The following TGM3 variants were observed in gnomAD, a reference collection of about 807,000 sequenced individuals.
TGM3 encodes the protein transglutaminase 3.
TGM3 carries 52 observed loss-of-function variants against 73.8 expected under a neutral mutation model. That is an observed-to-expected ratio of 0.70 (90% confidence interval 0.56 to 0.89). The LOEUF is 0.89. TGM3 is among the 40% of genes least tolerant of loss of function. TGM3 has a pLI of 0.00. For synonymous variants in TGM3, 372 were observed against 354.9 expected (o/e 1.05, Z -0.54); for missense variants, 928 against 909.9 (o/e 1.02, Z -0.26).
intron 8 of TGM3, among the ~76,000 whole-genome samples, chr20:2,327,907 T>C (rs1015603873): frequency 6.6e-6 from 1 of 151,978 alleles, no homozygotes; most frequent in Non-Finnish European, 1.5e-5. Flanking sequence ...AATTGTGTAG[T>C]CTTATGTAGA....
chr20:2,338,183 C>T (rs1469400344), intron 11 of TGM3, among the ~76,000 whole-genome samples: 1 of 152,266 alleles, frequency 6.6e-6, no homozygotes, highest in South Asian at 2.1e-4. Context: ...GGACCTTAGA[C>T]CACAAAACCA....
Position 2,334,127 on chromosome 20 carries a change from G to A in TGM3, c.1643-989G>A, listed in dbSNP as rs1443267703. On this transcript the variant is annotated intron_variant, in intron 10 of 12. Transcript: ENST00000381458. The surrounding 1 kb of genome is among the most constrained non-coding windows in gnomAD (Gnocchi z 4.0). ...CCCCGCGGCCCACAGGGTCAGAAGA[G>A]AGGACTTAAAGCGTGGGGAAGGAGC... Among the ~76,000 whole-genome samples the A allele has an allele frequency of 3.3e-5, 5 of 152,242 alleles. No individual in the cohort carries two copies. The highest frequency in any genetic ancestry group is 7.3e-5 in the Non-Finnish European group (5 of 68,040).
At position 2,312,828 on chromosome 20, in the gene TGM3, G is replaced by T. The variant is rs961011791; in HGVS notation, c.541-70G>T. 3 of 1,595,118 alleles carry T rather than the reference G, an allele frequency of 1.9e-6. No homozygotes were observed. In the African/African-American group the frequency reaches 4.0e-5, roughly 21 times the overall value. Reference sequence around the variant, plus strand: ...GATAGTTCCTGTGGTTCTTGCCAGTGCAGTTCCCTTCTTGAGCCAACTCTC... The same window carrying T: ...GATAGTTCCTGTGGTTCTTGCCAGTTCAGTTCCCTTCTTGAGCCAACTCTC... On this transcript the variant is annotated intron_variant, in intron 4 of 12. Transcript: ENST00000381458.
intron 9 of TGM3, among the ~76,000 whole-genome samples, chr20:2,330,731 T>A (rs1369718498): frequency 6.6e-6 from 1 of 151,978 alleles, no homozygotes; most frequent in Non-Finnish European, 1.5e-5. Context: ...CTGGGCCAGG[T>A]GAAGTGGCTC....
Position 2,325,127 on chromosome 20 carries a change from G to A in TGM3, c.984-722G>A, listed in dbSNP as rs561303384. Among the ~76,000 whole-genome samples, 65 of 152,112 alleles carry A rather than the reference G, an allele frequency of 4.3e-4. 2 individuals carry two copies. The South Asian group carries it at 0.011, about 26-fold the overall frequency. On this transcript the variant is annotated intron_variant, in intron 7 of 12. Coordinates refer to ENST00000381458, the MANE Select transcript of TGM3 (RefSeq NM_003245.4). ...GTTGACTAGAACTTGGATTTATGTC[G>A]AACTTATATTTTCTTCATGTTGAAC...
At chr20:2,329,976 T>C (rs964792842) in intron 9 of TGM3, among the ~76,000 whole-genome samples, 2 of 152,016 alleles carry the variant, frequency 1.3e-5, no homozygotes, top group African/African-American at 4.8e-5. Flanking sequence ...TTCCTTACCT[T>C]ACCCCACACC....
rs561322493 is a variant in TGM3, at chr20:2,334,799, T to A, written c.1643-317T>A. Among the ~76,000 whole-genome samples the A allele has an allele frequency of 8.6e-4, 130 of 151,710 alleles. No individual in the cohort carries two copies. The highest frequency in any genetic ancestry group is 2.9e-3 in the East Asian group (15 of 5,156). On this transcript the variant is annotated intron_variant, in intron 10 of 12. Transcript: ENST00000381458. The surrounding 1 kb of genome is among the most constrained non-coding windows in gnomAD (Gnocchi z 4.0). ...TCTCTACAAATAATTTAAAAAATTT[T>A]AAAAAAAAAGGACACTTGCCCTCCA...
intron 7 of TGM3, among the ~76,000 whole-genome samples, chr20:2,319,682 A>T (rs769509580): frequency 2.0e-5 from 3 of 152,132 alleles, no homozygotes; most frequent in Non-Finnish European, 4.4e-5. Flanking sequence ...ACTGTTCCTG[A>T]GGATCTTGTC....
chr20:2,323,210 C>T (rs145726670), intron 7 of TGM3, among the ~76,000 whole-genome samples: 8 of 152,294 alleles, frequency 5.3e-5, no homozygotes, highest in South Asian at 2.1e-4. Context: ...TCCCTCACCC[C>T]CTTCCCACCT....
chr20:2,340,038 G>GCCTT, intron 12 of TGM3, 51 bp downstream of exon 12: 1 of 1,463,436 alleles, frequency 6.8e-7, no homozygotes, highest in East Asian at 2.4e-5. Flanking sequence ...GGGGGCGGGG[G>GCCTT]GGCCCTCCAG....
At chr20:2,313,177 G>C in intron 5 of TGM3, 151 bp downstream of exon 5, 1 of 1,180,022 alleles carries the variant, frequency 8.5e-7, no homozygotes, top group South Asian at 1.5e-5. Context: ...TACTAACTTG[G>C]AGCACAAGGC....
chr20:2,330,511 A>G lies in TGM3; in HGVS notation c.1334-1491A>G, dbSNP rs536406618. ...GCAGGGTGTGTGGGAGGAAACTTAG[A>G]CCAGGGGTCCAGACACCAGGGAACT... On this transcript the variant is annotated intron_variant, in intron 9 of 12. Coordinates refer to ENST00000381458, the MANE Select transcript of TGM3 (RefSeq NM_003245.4). Among the ~76,000 whole-genome samples the G allele has an allele frequency of 1.2e-4, 18 of 152,324 alleles. No individual in the cohort carries two copies. The South Asian group carries it at 3.3e-3, about 28-fold the overall frequency.
intron 1 of TGM3, among the ~76,000 whole-genome samples, chr20:2,300,902 T>A (rs1238996986): frequency 1.3e-5 from 2 of 152,030 alleles, no homozygotes; most frequent in Non-Finnish European, 2.9e-5. Context: ...CCGGTGCTAG[T>A]GATGGGTATA....
intron 1 of TGM3, among the ~76,000 whole-genome samples, chr20:2,299,589 G>A (rs566360332): frequency 6.6e-6 from 1 of 152,326 alleles, no homozygotes. Flanking sequence ...TGAGAGATGG[G>A]AGTCAGAAGG....
intron 1 of TGM3, among the ~76,000 whole-genome samples, chr20:2,308,963 C>T (rs1161339364): frequency 6.6e-6 from 1 of 151,996 alleles, no homozygotes; most frequent in East Asian, 1.9e-4. Flanking sequence ...CTGCAACCTC[C>T]GCCTCCCAGA....
chr20:2,305,749 C>T (rs770361368), intron 1 of TGM3, among the ~76,000 whole-genome samples: 2 of 152,192 alleles, frequency 1.3e-5, no homozygotes, highest in Non-Finnish European at 2.9e-5. Flanking sequence ...AGCTCTGGAG[C>T]CTGCAGTCCT....
In TGM3 at chr20:2,322,332, G is replaced by A. The variant is rs550370641; in HGVS notation, c.984-3517G>A. ...AGAATTGGGATGATACATTTTCCAAGGCATGAGTAGAAGACGGAGCATATA... is the reference window on the plus strand; with the variant it reads ...AGAATTGGGATGATACATTTTCCAAAGCATGAGTAGAAGACGGAGCATATA... On this transcript the variant is annotated intron_variant, in intron 7 of 12. Coordinates refer to ENST00000381458, the MANE Select transcript of TGM3 (RefSeq NM_003245.4). Among the ~76,000 whole-genome samples the A allele has an allele frequency of 4.6e-5, 7 of 152,156 alleles. No homozygotes were observed. The South Asian group carries it at 1.5e-3, about 32-fold the overall frequency.
intron 10 of TGM3, among the ~76,000 whole-genome samples, chr20:2,333,349 G>T (rs1171863546): frequency 1.3e-5 from 2 of 152,118 alleles, no homozygotes; most frequent in African/African-American, 4.8e-5. Flanking sequence ...ATTGACCTTA[G>T]AAACTCAAAG....
At chr20:2,297,436 G>T (rs45590945) in intron 1 of TGM3, among the ~76,000 whole-genome samples, 6 of 152,080 alleles carry the variant, frequency 3.9e-5, no homozygotes, top group African/African-American at 7.2e-5. Flanking sequence ...TTCCAGTACC[G>T]ACTTTTCTTT....
Sources: allele counts gnomAD v4.1 joint callset (sites outside exome capture counted in the v4.1 genomes callset), GRCh38; gene constraint gnomAD v4.1.1; non-coding constraint Gnocchi (gnomAD v3.1); transcripts MANE v1.5; gene names NCBI Gene and HGNC (gene_info 2026-07-23, HGNC 2026-07-21).